Variants in KLHL1 observed in about 807,000 individuals in gnomAD.
The protein encoded by KLHL1 is kelch-like protein 1.
In KLHL1, 47 loss-of-function variants were observed where a neutral mutation model predicts 77.7. The ratio of observed to expected loss-of-function variants is 0.60; its 90% confidence interval spans 0.48 to 0.77. The LOEUF (loss-of-function observed/expected upper bound fraction) is 0.77, where lower values mean the gene tolerates loss of function less well. Ranked by LOEUF, KLHL1 falls within the 30% of genes least tolerant of loss-of-function variation. The pLI, the probability that KLHL1 is intolerant of heterozygous loss-of-function variation, is 0.00. For synonymous variants in KLHL1, 360 were observed against 325.2 expected (o/e 1.11, Z -1.15); for missense variants, 925 against 910.8 (o/e 1.02, Z -0.20).
At chr13:69,865,227 G>A (rs774955971) in intron 5 of KLHL1, among the ~76,000 whole-genome samples, 2 of 152,124 alleles carry the variant, frequency 1.3e-5, no homozygotes, top group Non-Finnish European at 2.9e-5. Flanking sequence ...CTGAGCCAGT[G>A]CACTCGGCCC....
At chr13:69,864,291 A>G (rs1176321495) in intron 5 of KLHL1, among the ~76,000 whole-genome samples, 1 of 151,920 alleles carries the variant, frequency 6.6e-6, no homozygotes, top group African/African-American at 2.4e-5. Flanking sequence ...AATACATTAA[A>G]TTAAAATATT....
At chr13:70,022,430 T>C (rs1885828331) in intron 1 of KLHL1, among the ~76,000 whole-genome samples, 1 of 151,904 alleles carries the variant, frequency 6.6e-6, no homozygotes, top group South Asian at 2.1e-4. Flanking sequence ...AAATATTATA[T>C]ACAAAACACA....
chr13:69,894,049 G>T, intron 4 of KLHL1: 1 of 152,420 alleles, frequency 6.6e-6, no homozygotes. Context: ...TCTCCCAACC[G>T]TTTTCCTGAT....
chr13:69,985,904 T>A (rs1054160517), intron 1 of KLHL1, among the ~76,000 whole-genome samples: 1 of 141,156 alleles, frequency 7.1e-6, no homozygotes, highest in South Asian at 2.1e-4. Context: ...AGTATATATA[T>A]GTAAGTTATA....
chr13:70,031,440 A>C (rs1156904549), intron 1 of KLHL1, among the ~76,000 whole-genome samples: 1 of 152,216 alleles, frequency 6.6e-6, no homozygotes, highest in Non-Finnish European at 1.5e-5. Flanking sequence ...TGCAGAGGTT[A>C]ACAGTTACTC....
chr13:69,781,283 T>C (rs574824700), intron 7 of KLHL1, among the ~76,000 whole-genome samples: 191 of 131,506 alleles, frequency 1.5e-3, no homozygotes, highest in African/African-American at 5.3e-3. Context: ...CTTTTTTTCT[T>C]TCTTTTTTTT....
chr13:70,049,161 A>G (rs1325395842), intron 1 of KLHL1, among the ~76,000 whole-genome samples: 1 of 152,074 alleles, frequency 6.6e-6, no homozygotes, highest in African/African-American at 2.4e-5. Context: ...CCTGGAAGAG[A>G]CTATTAAAAC....
chr13:69,811,396 TAA>T (rs375756052), intron 6 of KLHL1, among the ~76,000 whole-genome samples: 1 of 141,120 alleles, frequency 7.1e-6, no homozygotes, highest in Admixed American at 7.1e-5. Flanking sequence ...ACGTAATAGA[TAA>T]AAAAAAAAAG....
chr13:69,988,718 T>C (rs1386368006), intron 1 of KLHL1, among the ~76,000 whole-genome samples: 6 of 152,146 alleles, frequency 3.9e-5, no homozygotes, highest in Admixed American at 3.9e-4. Context: ...ATTAGTGATA[T>C]TGAACATTTT....
chr13:69,723,278 TAACAATA>T (rs1397982731), intron 8 of KLHL1, among the ~76,000 whole-genome samples: 1 of 152,120 alleles, frequency 6.6e-6, no homozygotes, highest in African/African-American at 2.4e-5. Flanking sequence ...TGACTACGAC[TAACAATA>T]ATGCATTGCA....
At chr13:69,903,605 T>G (rs375340598) in intron 4 of KLHL1, among the ~76,000 whole-genome samples, 7 of 151,158 alleles carry the variant, frequency 4.6e-5, no homozygotes, top group African/African-American at 1.7e-4. Context: ...TGCAGATTCC[T>G]TTGCAGAAAA....
At chr13:70,099,113 C>G (rs537109645) in intron 1 of KLHL1, among the ~76,000 whole-genome samples, 2 of 151,842 alleles carry the variant, frequency 1.3e-5, no homozygotes, top group South Asian at 4.1e-4. Flanking sequence ...ATTTTACTTA[C>G]ACTATTCTCT....
Position 69,818,219 on chromosome 13 carries a change from C to CTTTTTTTTTTTTTTTTTTTTTTTTT in KLHL1, c.1414+20756_1414+20757insAAAAAAAAAAAAAAAAAAAAAAAAA. 9.1e-4 allele frequency among the ~76,000 whole-genome samples: 103 copies of CTTTTTTTTTTTTTTTTTTTTTTTTT among 112,878 alleles called. 12 individuals are homozygous for CTTTTTTTTTTTTTTTTTTTTTTTTT. The highest frequency in any genetic ancestry group is 2.3e-3 in the African/African-American group (58 of 25,108). The allele number at this position is 112,878 out of a possible 152,430, so 74.1% of individuals were successfully genotyped here. A position where few individuals can be genotyped will look rare whatever the true frequency, so the allele number is the denominator to read the frequency against. ...AGAATTTAACTTAACTCATAGGCAT[C>CTTTTTTTTTTTTTTTTTTTTTTTTT]TTTTTTTTTTTTTTTTTTTTGAGAC... On this transcript the variant is annotated intron_variant, in intron 6 of 10. Coordinates refer to ENST00000377844, the MANE Select transcript of KLHL1 (RefSeq NM_020866.3).
intron 4 of KLHL1, among the ~76,000 whole-genome samples, chr13:69,923,829 T>C (rs1882720433): frequency 6.6e-6 from 1 of 152,112 alleles, no homozygotes; most frequent in Non-Finnish European, 1.5e-5. Context: ...GGCAGGAGTT[T>C]GCACTTCCCA....
Position 69,873,145 on chromosome 13 carries a change from A to G in KLHL1, c.1227+9138T>C, listed in dbSNP as rs181486445. ...GCCGGAATGTGGACACTGAGGTCCA[A>G]TGAAACTTAATATACTTTCCATGAT... On this transcript the variant is annotated intron_variant, in intron 5 of 10. Transcript: ENST00000377844. Among the ~76,000 whole-genome samples the G allele has an allele frequency of 5.0e-3, 754 of 152,306 alleles. 3 individuals carry two copies. The highest frequency in any genetic ancestry group is 6.7e-3 in the Non-Finnish European group (456 of 68,018).
intron 8 of KLHL1, among the ~76,000 whole-genome samples, chr13:69,723,708 A>G (rs1873167258): frequency 6.6e-6 from 1 of 152,084 alleles, no homozygotes; most frequent in Non-Finnish European, 1.5e-5. Flanking sequence ...AACATTTACA[A>G]TCTATTCTCT....
intron 6 of KLHL1, among the ~76,000 whole-genome samples, chr13:69,837,670 GTATA>G (rs140655235): frequency 4.0e-5 from 5 of 123,960 alleles, no homozygotes; most frequent in African/African-American, 1.1e-4. Flanking sequence ...GTGTGTGTGT[GTATA>G]TATATATATA....
At chr13:69,741,659 G>C (rs1285070745) in intron 7 of KLHL1, among the ~76,000 whole-genome samples, 1 of 152,102 alleles carries the variant, frequency 6.6e-6, no homozygotes, top group African/African-American at 2.4e-5. Flanking sequence ...GTTTTGTCCT[G>C]TGTCTAGAGC....
At chr13:69,803,321 A>G (rs1454077777) in intron 6 of KLHL1, among the ~76,000 whole-genome samples, 1 of 152,162 alleles carries the variant, frequency 6.6e-6, no homozygotes, top group Non-Finnish European at 1.5e-5. Flanking sequence ...AATTACAGAA[A>G]ACTTTAATTA....
Sources: gnomAD v4.1 joint callset for allele counts (sites outside exome capture counted in the v4.1 genomes callset) on GRCh38, gnomAD v4.1.1 for gene constraint, MANE v1.5 for transcripts, NCBI Gene and HGNC (gene_info 2026-07-23, HGNC 2026-07-21) for gene names.